Variants in ASB4 observed in about 807,000 individuals in gnomAD.
ASB4 encodes ankyrin repeat and SOCS box protein 4.
A neutral mutation model predicts 38.6 loss-of-function variants in ASB4; 35 were observed. That is an observed-to-expected ratio of 0.91 (90% confidence interval 0.69 to 1.20). The LOEUF is 1.20. Among genes scored for constraint, ASB4 ranks in the 50% most tolerant of loss-of-function variants. The pLI, the probability that ASB4 is intolerant of heterozygous loss-of-function variation, is 0.00. For missense variants in ASB4, 557 were observed against 527.2 expected, an observed-to-expected ratio of 1.06 and a Z score of -0.55; for synonymous variants, 195 against 201.3, an observed-to-expected ratio of 0.97 and a Z score of 0.26.
At chr7:95,486,404 C>A (rs1790092123) in intron 1 of ASB4, among the ~76,000 whole-genome samples, 1 of 152,194 alleles carries the variant, frequency 6.6e-6, no homozygotes, top group South Asian at 2.1e-4. Flanking sequence ...CCCAGACAAT[C>A]ATTTTTAGCA....
At chr7:95,535,271 A>G (rs1790874651) in intron 3 of ASB4, among the ~76,000 whole-genome samples, 1 of 152,234 alleles carries the variant, frequency 6.6e-6, no homozygotes, top group Non-Finnish European at 1.5e-5. Context: ...CTTTTGCTCA[A>G]CAGTAATAGG....
chr7:95,542,084 C>CA (rs142281287), downstream of ASB4: 21,991 of 146,496 alleles, frequency 0.15, 1,715 homozygotes, highest in South Asian at 0.18. Flanking sequence ...ACAAAAAAAA[C>CA]AAAAAAAAAA....
chr7:95,491,735 A>T (rs908102177), intron 1 of ASB4, among the ~76,000 whole-genome samples: 3 of 152,190 alleles, frequency 2.0e-5, no homozygotes, highest in African/African-American at 7.2e-5. Flanking sequence ...TAGTTTTTGA[A>T]GATAGCTTTA....
intron 2 of ASB4, among the ~76,000 whole-genome samples, chr7:95,504,232 G>A (rs1790378260): frequency 6.6e-6 from 1 of 152,174 alleles, no homozygotes; most frequent in Non-Finnish European, 1.5e-5. Flanking sequence ...TGTTACTGCA[G>A]GAAAGCCATA....
chr7:95,491,411 TC>T (rs961019950), intron 1 of ASB4, among the ~76,000 whole-genome samples: 9 of 152,144 alleles, frequency 5.9e-5, no homozygotes, highest in African/African-American at 2.2e-4. Flanking sequence ...TGGGCTTGGT[TC>T]CCCGGTTCTC....
intron 3 of ASB4, among the ~76,000 whole-genome samples, chr7:95,531,331 C>T (rs1790816812): frequency 6.6e-6 from 1 of 152,160 alleles, no homozygotes; most frequent in South Asian, 2.1e-4. Flanking sequence ...AAAACATCTA[C>T]CTCTGTAATA....
At chr7:95,491,200 T>C (rs1443759672) in intron 1 of ASB4, among the ~76,000 whole-genome samples, 2 of 152,230 alleles carry the variant, frequency 1.3e-5, no homozygotes, top group Non-Finnish European at 2.9e-5. Flanking sequence ...GGGCATGGCC[T>C]GTATTTGGGA....
At chr7:95,536,387 T>A (rs368514560) in intron 3 of ASB4, 50 bp from the exon 4 acceptor site, 1 of 1,197,116 alleles carries the variant, frequency 8.4e-7, no homozygotes, top group East Asian at 2.4e-5. Flanking sequence ...GCAGAATGAA[T>A]GAACCATATA....
At chr7:95,533,172 G>T (rs1243714544) in intron 3 of ASB4, among the ~76,000 whole-genome samples, 3 of 152,168 alleles carry the variant, frequency 2.0e-5, no homozygotes, top group African/African-American at 7.2e-5. Flanking sequence ...AACTCTGTCT[G>T]CCAGGGAGAG....
At position 95,537,674 on chromosome 7, in the gene ASB4, G is replaced by C. The variant is rs567320199; in HGVS notation, c.1196G>C (p.Arg399Thr). 55 of 1,613,892 alleles carry C rather than the reference G, an allele frequency of 3.4e-5. No individual in the cohort carries two copies. The South Asian group carries it at 5.8e-4, about 17-fold the overall frequency. Residue 399 changes from arginine to threonine, a missense_variant, in exon 5 of 5, where the codon AGA becomes ACA. By Grantham distance (71) the Arg-to-Thr change is moderately conservative. Coordinates refer to ENST00000325885, the MANE Select transcript of ASB4 (RefSeq NM_016116.3). Reference sequence around the variant, plus strand: ...GCCATTAGAAGAACATTACACAACAGATGCCATAGAGCAATTCCTTTGCTT... The same window carrying C: ...GCCATTAGAAGAACATTACACAACACATGCCATAGAGCAATTCCTTTGCTT... ...RCAIRRTLHN[R>T]CHRAIPLLSL...
At chr7:95,543,009 G>GAC (rs1250618517), downstream of ASB4, 1 of 152,204 alleles carries the variant, frequency 6.6e-6, no homozygotes, top group East Asian at 1.9e-4. Context: ...TAGAAGGTAG[G>GAC]TACTGAGGTC....
At chr7:95,485,838 T>C, upstream of ASB4, 3 of 707,544 alleles carry the variant, frequency 4.2e-6, no homozygotes, top group Non-Finnish European at 6.9e-6. Flanking sequence ...AAATGATCCC[T>C]ATATAAATAG....
intron 2 of ASB4, among the ~76,000 whole-genome samples, chr7:95,507,390 A>G (rs1368446435): frequency 6.6e-6 from 1 of 151,944 alleles, no homozygotes; most frequent in Non-Finnish European, 1.5e-5. Context: ...TTCTTTGCCG[A>G]GCAAACTTCT....
intron 2 of ASB4, among the ~76,000 whole-genome samples, chr7:95,503,177 G>T (rs1441298988): frequency 2.6e-5 from 4 of 152,142 alleles, no homozygotes; most frequent in African/African-American, 9.7e-5. Flanking sequence ...TGTTATTTTA[G>T]ATCCTTGCTG....
intron 2 of ASB4, among the ~76,000 whole-genome samples, chr7:95,521,034 G>A (rs1032609215): frequency 6.6e-6 from 1 of 151,970 alleles, no homozygotes; most frequent in Non-Finnish European, 1.5e-5. Context: ...TGTTTGAATT[G>A]CATTGAATTT....
intron 2 of ASB4, among the ~76,000 whole-genome samples, chr7:95,516,059 C>G (rs1484241459): frequency 6.6e-6 from 1 of 152,188 alleles, no homozygotes; most frequent in Non-Finnish European, 1.5e-5. Context: ...GAGTCCAGAA[C>G]AGACAGAATT....
chr7:95,531,968 G>A (rs1433002838), intron 3 of ASB4, among the ~76,000 whole-genome samples: 1 of 152,120 alleles, frequency 6.6e-6, no homozygotes, highest in Non-Finnish European at 1.5e-5. Context: ...AGACATTTAG[G>A]ATAGAGTTGG....
In ASB4 at chr7:95,527,942, C is replaced by T. The variant is rs760254522; in HGVS notation, c.617C>T (p.Ala206Val). 67 of 1,614,006 alleles carry T rather than the reference C, an allele frequency of 4.2e-5. No homozygotes were observed. The highest frequency in any genetic ancestry group is 5.6e-5 in the Non-Finnish European group (66 of 1,180,036). Residue 206 changes from alanine (A) to valine (V), a missense_variant, in exon 3 of 5, where the codon GCC (alanine) becomes GTC (valine). By Grantham distance (64) the Ala-to-Val change is moderately conservative (BLOSUM62 0). Coordinates refer to ENST00000325885, the MANE Select transcript of ASB4 (RefSeq NM_016116.3). ...GGGGCCATAGTGGACAGCGTGAATG[C>T]CCACATGGAGACCCCCCTGGCCATC... Reference protein sequence around the residue: ...EHGAIVDSVNAHMETPLAIAA... With the variant: ...EHGAIVDSVNVHMETPLAIAA...
At chr7:95,503,646 A>G (rs1160310206) in intron 2 of ASB4, among the ~76,000 whole-genome samples, 1 of 152,198 alleles carries the variant, frequency 6.6e-6, no homozygotes, top group Non-Finnish European at 1.5e-5. Flanking sequence ...GGAGAACTCA[A>G]ATACATCACT....
Sources: gnomAD v4.1 joint callset for allele counts (sites outside exome capture counted in the v4.1 genomes callset) on GRCh38, gnomAD v4.1.1 for gene constraint, MANE v1.5 for transcripts, NCBI Gene and HGNC (gene_info 2026-07-23, HGNC 2026-07-21) for gene names.